NLGN1: variants seen among roughly 807,000 people sequenced by gnomAD.
The protein encoded by NLGN1 is neuroligin 1, also known as neuroligin-1.
A neutral mutation model predicts 65.5 loss-of-function variants in NLGN1; 12 were observed. The ratio of observed to expected loss-of-function variants is 0.18; its 90% CI spans 0.12 to 0.30. The LOEUF (loss-of-function observed/expected upper bound fraction) is 0.30. NLGN1 is among the 10% of genes least tolerant of loss of function. The pLI is 1.00. For synonymous variants in NLGN1, 350 were observed against 359.5 expected (o/e 0.97, Z 0.30); for missense variants, 750 against 1,007.1 (o/e 0.74, Z 3.46).
At chr3:174,030,739 G>A (rs9874128) in intron 4 of NLGN1, among the ~76,000 whole-genome samples, 3,921 of 152,226 alleles carry the variant, frequency 0.026, 145 homozygotes, top group African/African-American at 0.077. Flanking sequence ...AAACTAGAAA[G>A]CAGACGGACA....
chr3:174,162,627 CAGCTGAAGA>C (rs1726761575), intron 4 of NLGN1, among the ~76,000 whole-genome samples: 1 of 151,772 alleles, frequency 6.6e-6, no homozygotes, highest in South Asian at 2.1e-4. Context: ...TATATTCCAA[CAGCTGAAGA>C]AGCTGTTGGA....
chr3:174,165,233 A>G (rs772452509), intron 4 of NLGN1, among the ~76,000 whole-genome samples: 8 of 151,926 alleles, frequency 5.3e-5, no homozygotes, highest in Non-Finnish European at 8.8e-5. Context: ...TTCCAGTACT[A>G]TATTGAATAG....
At chr3:173,434,395 A>G (rs1717725029) in intron 1 of NLGN1, among the ~76,000 whole-genome samples, 1 of 152,290 alleles carries the variant, frequency 6.6e-6, no homozygotes, top group East Asian at 1.9e-4. Flanking sequence ...TTGATCAAAC[A>G]CTGCAGGTGA....
intron 4 of NLGN1, among the ~76,000 whole-genome samples, chr3:173,996,234 C>T (rs867497230): frequency 1.8e-4 from 27 of 152,102 alleles, no homozygotes; most frequent in Admixed American, 3.9e-4. Flanking sequence ...CTTGTTAGTC[C>T]ACATGTTTAA....
At chr3:174,252,567 A>G (rs1355903976) in intron 4 of NLGN1, among the ~76,000 whole-genome samples, 2 of 152,146 alleles carry the variant, frequency 1.3e-5, no homozygotes, top group Non-Finnish European at 2.9e-5. Context: ...GCTATGTGAT[A>G]TCAGGCAATT....
At chr3:174,231,381 T>G (rs750702982) in intron 4 of NLGN1, among the ~76,000 whole-genome samples, 1 of 152,178 alleles carries the variant, frequency 6.6e-6, no homozygotes, top group African/African-American at 2.4e-5. Context: ...GTGAGATTGG[T>G]TACAGCTCAG....
chr3:173,618,460 G>A (rs1753483623), intron 3 of NLGN1, among the ~76,000 whole-genome samples: 1 of 152,126 alleles, frequency 6.6e-6, no homozygotes. Context: ...GGCTCCCAAA[G>A]TGCTGGGATT....
intron 2 of NLGN1, among the ~76,000 whole-genome samples, chr3:173,508,422 T>C (rs192961431): frequency 1.3e-5 from 2 of 152,292 alleles, no homozygotes; most frequent in African/African-American, 4.8e-5. Context: ...TGAGATACCA[T>C]GAAACTACCA....
intron 4 of NLGN1, among the ~76,000 whole-genome samples, chr3:174,075,377 G>T (rs899402968): frequency 2.0e-5 from 3 of 152,026 alleles, no homozygotes; most frequent in African/African-American, 7.2e-5. Context: ...GGTTGATTTG[G>T]ATCCTTAATC....
At chr3:174,182,081 C>T (rs950908958) in intron 4 of NLGN1, among the ~76,000 whole-genome samples, 1 of 151,046 alleles carries the variant, frequency 6.6e-6, no homozygotes, top group Non-Finnish European at 1.5e-5. Context: ...CTAACCCATA[C>T]ATTCTGTACT....
At chr3:173,731,427 G>T (rs1421323341) in intron 3 of NLGN1, among the ~76,000 whole-genome samples, 1 of 152,048 alleles carries the variant, frequency 6.6e-6, no homozygotes, top group South Asian at 2.1e-4. Context: ...AAAATATTAG[G>T]ACTTTGGATC....
At chr3:173,550,096 C>T (rs1740585691) in intron 2 of NLGN1, among the ~76,000 whole-genome samples, 1 of 152,010 alleles carries the variant, frequency 6.6e-6, no homozygotes, top group Admixed American at 6.6e-5. Context: ...TTTTTAATAT[C>T]TCAATTGAAG....
chr3:173,587,393 T>A (rs1319909362), intron 2 of NLGN1, among the ~76,000 whole-genome samples: 2 of 152,098 alleles, frequency 1.3e-5, no homozygotes, highest in African/African-American at 4.8e-5. Context: ...GGAAAGCCAA[T>A]AACAATGGAA....
chr3:174,197,163 GA>G (rs1427313958), intron 4 of NLGN1, among the ~76,000 whole-genome samples: 1 of 152,108 alleles, frequency 6.6e-6, no homozygotes, highest in Non-Finnish European at 1.5e-5. Flanking sequence ...TTAACAACTA[GA>G]ACATAGGATT....
At chr3:174,216,376 G>A (rs1044640993) in intron 4 of NLGN1, among the ~76,000 whole-genome samples, 19 of 152,118 alleles carry the variant, frequency 1.2e-4, no homozygotes, top group African/African-American at 2.7e-4. Context: ...ATGAGGATAA[G>A]CCAGTTCAGG....
chr3:173,935,965 C>A (rs1307015895), intron 4 of NLGN1, among the ~76,000 whole-genome samples: 1 of 151,910 alleles, frequency 6.6e-6, no homozygotes, highest in Admixed American at 6.6e-5. Context: ...CTGTTCTGAG[C>A]AAGTTAAAAG....
intron 3 of NLGN1, among the ~76,000 whole-genome samples, chr3:173,639,619 G>T (rs1489992578): frequency 2.6e-5 from 4 of 152,192 alleles, no homozygotes; most frequent in Non-Finnish European, 5.9e-5. Context: ...ATCAGAACAA[G>T]ACTTAGCAAT....
At chr3:173,614,892 A>G (rs1040767229) in intron 3 of NLGN1, among the ~76,000 whole-genome samples, 3 of 152,170 alleles carry the variant, frequency 2.0e-5, no homozygotes, top group African/African-American at 4.8e-5. Flanking sequence ...TTTGGAAGTC[A>G]TTCATTTAAG....
chr3:174,005,649 G>A (rs1219338230), intron 4 of NLGN1, among the ~76,000 whole-genome samples: 1 of 151,578 alleles, frequency 6.6e-6, no homozygotes, highest in Non-Finnish European at 1.5e-5. Flanking sequence ...ACACAATACT[G>A]TGTTCATGCA....
Sources: allele counts gnomAD v4.1 joint callset (sites outside exome capture counted in the v4.1 genomes callset), GRCh38; gene constraint gnomAD v4.1.1; transcripts MANE v1.5; gene names NCBI Gene and HGNC (gene_info 2026-07-23, HGNC 2026-07-21).